Variants in LEO1 observed in about 807,000 individuals in gnomAD.
The protein encoded by LEO1 is RNA polymerase-associated protein LEO1.
Under a neutral mutation model 80.4 loss-of-function variants are expected in LEO1, and 34 were observed. The observed-to-expected ratio is 0.42, with a 90% CI of 0.32 to 0.56. The LOEUF is 0.56. Ranked by LOEUF, LEO1 falls within the 20% of genes least tolerant of loss-of-function variation. LEO1 has a pLI of 0.10. For synonymous variants in LEO1, 262 were observed against 274.9 expected, an observed-to-expected ratio of 0.95 and a Z score of 0.46; for missense variants, 631 against 814.2, an observed-to-expected ratio of 0.77 and a Z score of 2.74.
chr15:51,947,429 T>C, intron 10 of LEO1, 40 bp from the exon 11 acceptor site: 2 of 1,445,210 alleles, frequency 1.4e-6, no homozygotes, highest in Non-Finnish European at 1.9e-6. Flanking sequence ...CCTTTTTTTT[T>C]TTCTGAGACA....
At position 51,949,792 on chromosome 15, in the gene LEO1, T is replaced by C. The variant is rs745735265; in HGVS notation, c.1798+16A>G. 1.9e-6 allele frequency: 3 copies of C among 1,606,442 alleles called. No homozygotes were observed. In the South Asian group the frequency reaches 3.3e-5, roughly 18 times the overall value. ...AATCCCGAAATGATGAAATGTAATT[T>C]CCATACACGACTCACCTCGAATGCC... is the stretch of plus-strand genomic sequence containing the variant. On this transcript the variant is annotated intron_variant, in intron 10 of 11. Coordinates refer to ENST00000299601, the MANE Select transcript of LEO1 (RefSeq NM_138792.4).
At chr15:51,940,522 C>T (rs1436321334) in intron 11 of LEO1, among the ~76,000 whole-genome samples, 1 of 151,718 alleles carries the variant, frequency 6.6e-6, no homozygotes, top group Non-Finnish European at 1.5e-5. Context: ...GACCACACCA[C>T]CACACTCCAG....
At chr15:51,947,262 A>T (rs752729824) in intron 11 of LEO1, 30 bp downstream of exon 11, 1 of 1,451,492 alleles carries the variant, frequency 6.9e-7, no homozygotes, top group Admixed American at 1.7e-5. Context: ...TACAGGATAA[A>T]CCCCTAGAAT....
chr15:51,950,063 T>G (rs1375569189), intron 9 of LEO1, 69 bp from the exon 10 acceptor site: 1 of 1,262,668 alleles, frequency 7.9e-7, no homozygotes. Context: ...AACCCACTTT[T>G]ATTACAAATA....
At chr15:51,952,693 G>T (rs1296832569) in intron 8 of LEO1, among the ~76,000 whole-genome samples, 1 of 152,092 alleles carries the variant, frequency 6.6e-6, no homozygotes, top group Non-Finnish European at 1.5e-5. Context: ...TAGATGCCGG[G>T]GCCTACGGCA....
At chr15:51,964,747 A>G (rs2057061486) in intron 2 of LEO1, among the ~76,000 whole-genome samples, 1 of 152,204 alleles carries the variant, frequency 6.6e-6, no homozygotes, top group South Asian at 2.1e-4. Context: ...GGATCAAAAT[A>G]TAATTAATAT....
intron 11 of LEO1, among the ~76,000 whole-genome samples, chr15:51,944,222 C>T (rs1447047388): frequency 6.6e-6 from 1 of 152,150 alleles, no homozygotes; most frequent in East Asian, 1.9e-4. Flanking sequence ...AATGACTTGT[C>T]ACATGCAAGG....
chr15:51,938,495 C>T (rs2554341), intron 11 of LEO1, among the ~76,000 whole-genome samples: 8,534 of 152,184 alleles, frequency 0.056, 578 homozygotes, highest in African/African-American at 0.14. Context: ...ACAGAAGGGG[C>T]GGGGCTCTCC....
chr15:51,966,910 C>CA (rs1261769329), intron 1 of LEO1, among the ~76,000 whole-genome samples: 93 of 134,940 alleles, frequency 6.9e-4, no homozygotes, highest in African/African-American at 1.9e-3. Flanking sequence ...GACTTTGTCT[C>CA]AAAGAAAAAA....
At chr15:51,947,540 C>T in intron 10 of LEO1, 151 bp from the exon 11 acceptor site, 2 of 606,062 alleles carry the variant, frequency 3.3e-6, no homozygotes, top group South Asian at 1.9e-5. Context: ...CTCAGCCTCC[C>T]AAGTAGGTGG....
chr15:51,960,543 T>G (rs2057021745), intron 4 of LEO1, 96 bp downstream of exon 4: 1 of 711,304 alleles, frequency 1.4e-6, no homozygotes, highest in Middle Eastern at 2.5e-4. Flanking sequence ...ATACTAGAAT[T>G]CAGTTATCAA....
intron 1 of LEO1, among the ~76,000 whole-genome samples, chr15:51,969,422 G>A (rs922859907): frequency 2.0e-5 from 3 of 151,726 alleles, no homozygotes; most frequent in African/African-American, 7.3e-5. Context: ...ATCACCTGAG[G>A]TCAGGAGTTT....
At chr15:51,967,095 A>C (rs2057084092) in intron 1 of LEO1, among the ~76,000 whole-genome samples, 1 of 152,182 alleles carries the variant, frequency 6.6e-6, no homozygotes, top group Non-Finnish European at 1.5e-5. Context: ...CGGAGTCTAG[A>C]AGATTTATGG....
chr15:51,966,564 C>A, intron 1 of LEO1, 60 bp from the exon 2 acceptor site: 1 of 903,574 alleles, frequency 1.1e-6, no homozygotes, highest in Non-Finnish European at 1.7e-6. Flanking sequence ...AAGGCAGTCC[C>A]AAAGTCCATC....
chr15:51,940,548 G>A (rs987357118), intron 11 of LEO1, among the ~76,000 whole-genome samples: 16 of 150,162 alleles, frequency 1.1e-4, no homozygotes, highest in Non-Finnish European at 1.6e-4. Flanking sequence ...GCGACAGAGC[G>A]AGACTCCGTC....
At position 51,949,891 on chromosome 15, in the gene LEO1, G is replaced by A; in HGVS notation, c.1715C>T (p.Pro572Leu). The change falls in exon 10 of 12, where the codon CCT (proline) becomes CTT (leucine). Residue 572 changes from proline (P) to leucine (L), a missense_variant. This residue lies in a region of LEO1 where 117 missense variants were observed against 163.5 expected (regional missense o/e 0.72). Coordinates refer to ENST00000299601, the MANE Select transcript of LEO1 (RefSeq NM_138792.4). ...TTCCTCCTCCTCATCGTATCGATCA[G>A]GTTCCAGGTAACTGGCGCTCAGCCC... ...QRGLSASYLE[P>L]DRYDEEEEGE... The A allele has an allele frequency of 6.2e-7, 1 of 1,614,072 alleles. No homozygotes were observed. The highest frequency in any genetic ancestry group is 1.1e-5 in the South Asian group (1 of 91,078).
rs776438967 is a variant in LEO1, at chr15:51,951,982, G to A, written c.1476-3C>T. 58 of 1,610,504 alleles carry A rather than the reference G, an allele frequency of 3.6e-5. No homozygotes were observed. Among genetic ancestry groups the A allele is most frequent in the Non-Finnish European group, 4.8e-5 (57 of 1,177,970 alleles). Reference sequence around the variant, plus strand: ...TGGCACTGTCCGTAGAGTGAGGTCTGCCAGGAAATAAACGAAGAGCATATC... The same window carrying A: ...TGGCACTGTCCGTAGAGTGAGGTCTACCAGGAAATAAACGAAGAGCATATC... On this transcript the variant is annotated splice_polypyrimidine_tract_variant and splice_region_variant and intron_variant, in intron 8 of 11. Coordinates refer to ENST00000299601, the MANE Select transcript of LEO1 (RefSeq NM_138792.4).
chr15:51,948,264 G>A (rs1303060287), intron 10 of LEO1, among the ~76,000 whole-genome samples: 1 of 152,154 alleles, frequency 6.6e-6, no homozygotes, highest in African/African-American at 2.4e-5. Flanking sequence ...ATTACTGTAT[G>A]GAACTGAGCA....
At chr15:51,954,672 C>G (rs1335772961) in intron 6 of LEO1, 97 bp from the exon 7 acceptor site, 10 of 765,280 alleles carry the variant, frequency 1.3e-5, no homozygotes, top group Middle Eastern at 3.2e-4. Context: ...AATAAGCATA[C>G]AGAGGTGACA....
Sources: allele counts gnomAD v4.1 joint callset (sites outside exome capture counted in the v4.1 genomes callset), GRCh38; gene constraint gnomAD v4.1.1; regional missense constraint gnomAD v4.1.1; transcripts MANE v1.5; gene names NCBI Gene and HGNC (gene_info 2026-07-23, HGNC 2026-07-21).